TUT4: variants seen among roughly 807,000 people sequenced by gnomAD.
TUT4 encodes the protein terminal uridylyltransferase 4.
A neutral mutation model predicts 192.2 loss-of-function variants in TUT4; 36 were observed. That is an observed-to-expected ratio of 0.19 (90% confidence interval 0.14 to 0.25). The LOEUF is 0.25. TUT4 is among the 10% of genes least tolerant of loss of function. TUT4 has a pLI of 1.00. For synonymous variants in TUT4, 618 were observed against 666.0 expected (o/e 0.93, Z 1.11); for missense variants, 1,493 against 1,957.2 (o/e 0.76, Z 4.47).
chr1:52,535,110 T>C (rs1036464808), intron 1 of TUT4: 1 of 152,214 alleles, frequency 6.6e-6, no homozygotes, highest in African/African-American at 2.4e-5. Context: ...TCTTGTTGCA[T>C]AGTCAGCTGG....
At chr1:52,505,409 T>G (rs906898501) in intron 4 of TUT4, among the ~76,000 whole-genome samples, 1 of 149,780 alleles carries the variant, frequency 6.7e-6, no homozygotes, top group Admixed American at 6.7e-5. Flanking sequence ...TACTCCTAGT[T>G]TGCTTAGACT....
chr1:52,449,589 T>G (rs1658740264), intron 20 of TUT4, among the ~76,000 whole-genome samples: 1 of 152,296 alleles, frequency 6.6e-6, no homozygotes, highest in African/African-American at 2.4e-5. Flanking sequence ...TGTAAACCAC[T>G]GCGACTGGCC....
chr1:52,468,559 C>T, intron 14 of TUT4: 1 of 250,384 alleles, frequency 4.0e-6, no homozygotes, highest in Non-Finnish European at 7.6e-6. Context: ...ATCTACAAAC[C>T]TATTTACTTC....
chr1:52,465,212 G>C, intron 15 of TUT4, 39 bp from the exon 16 acceptor site: 1 of 1,497,010 alleles, frequency 6.7e-7, no homozygotes, highest in Non-Finnish European at 9.2e-7. Flanking sequence ...CTTATTATAA[G>C]CAGAGAGGAG....
chr1:52,494,078 T>C (rs948994884), intron 6 of TUT4, among the ~76,000 whole-genome samples: 5 of 151,928 alleles, frequency 3.3e-5, no homozygotes, highest in Admixed American at 2.6e-4. Flanking sequence ...ACGGGAATTA[T>C]AAGCATGAGC....
chr1:52,518,735 T>C (rs1679372449), intron 2 of TUT4, among the ~76,000 whole-genome samples: 1 of 152,232 alleles, frequency 6.6e-6, no homozygotes, highest in Non-Finnish European at 1.5e-5. Context: ...TATGATTTCA[T>C]TTCTATGAAA....
chr1:52,525,055 CT>C (rs1388639325), intron 2 of TUT4, among the ~76,000 whole-genome samples: 45 of 152,224 alleles, frequency 3.0e-4, no homozygotes, highest in African/African-American at 9.4e-4. Context: ...GCTCTCTCAA[CT>C]TCAATTAAGT....
intron 20 of TUT4, among the ~76,000 whole-genome samples, chr1:52,454,472 G>A (rs1478287140): frequency 2.0e-5 from 3 of 152,134 alleles, no homozygotes; most frequent in Non-Finnish European, 4.4e-5. Flanking sequence ...ACAATACAGT[G>A]GAGAAATAAT....
chr1:52,455,380 C>T (rs190328361), intron 20 of TUT4, among the ~76,000 whole-genome samples: 3 of 151,598 alleles, frequency 2.0e-5, no homozygotes, highest in South Asian at 2.1e-4. Flanking sequence ...TTTGAGAGGC[C>T]GAGGTGGGCT....
At chr1:52,550,971 C>G (rs1689278194) in intron 1 of TUT4, among the ~76,000 whole-genome samples, 1 of 152,140 alleles carries the variant, frequency 6.6e-6, no homozygotes, top group Admixed American at 6.5e-5. Context: ...AAAAAGAATT[C>G]TAATTACTTA....
intron 1 of TUT4, among the ~76,000 whole-genome samples, chr1:52,533,711 T>C (rs116657708): frequency 0.033 from 5,032 of 152,244 alleles, 282 homozygotes; most frequent in African/African-American, 0.12. Flanking sequence ...CTCACGGCTG[T>C]AATCCGAGCA....
At chr1:52,510,470 T>C (rs1271038786) in intron 3 of TUT4, among the ~76,000 whole-genome samples, 1 of 152,016 alleles carries the variant, frequency 6.6e-6, no homozygotes, top group Non-Finnish European at 1.5e-5. Flanking sequence ...TTCAAAAGAA[T>C]GGGCCACAAA....
At position 52,461,715 on chromosome 1, in the gene TUT4, G is replaced by A; in HGVS notation, c.3124C>T (p.Pro1042Ser). 1 of 1,513,016 alleles carries A rather than the reference G, an allele frequency of 6.6e-7. No homozygotes were observed. The highest frequency in any genetic ancestry group is 1.2e-5 in the South Asian group (1 of 81,264). The allele number at this position is 1,513,016 out of a possible 1,614,324, so 93.7% of individuals were successfully genotyped here. A position where few individuals can be genotyped will look rare whatever the true frequency, so the allele number is the denominator to read the frequency against. The change falls in exon 17 of 30, where the codon CCA becomes TCA. Residue 1042 changes from proline to serine, a missense_variant. By Grantham distance (74) the Pro-to-Ser change is moderately conservative. Around this residue, in one of 7 missense-constraint regions of TUT4, gnomAD observed 141 missense variants for 382.7 expected, o/e 0.37. Transcript: ENST00000257177. ...ENLAKILKRH[P>S]GLRNILPITT... Reference sequence around the variant, plus strand: ...AGATAAGATTCAAAATTCATACCTGGATGTCTCTTAAGAATTTTTGCCAAA... The same window carrying A: ...AGATAAGATTCAAAATTCATACCTGAATGTCTCTTAAGAATTTTTGCCAAA...
intron 13 of TUT4, 98 bp downstream of exon 13, chr1:52,474,734 C>A: frequency 2.9e-6 from 3 of 1,049,648 alleles, no homozygotes; most frequent in Non-Finnish European, 2.7e-6. Flanking sequence ...AACAAGTCAC[C>A]ACTTTATATA....
intron 13 of TUT4, among the ~76,000 whole-genome samples, chr1:52,473,364 T>C (rs1666279327): frequency 6.6e-6 from 1 of 152,190 alleles, no homozygotes. Context: ...TGGAGATCTG[T>C]ACAGATTAAT....
At chr1:52,487,927 G>A (rs1413069789) in intron 9 of TUT4, among the ~76,000 whole-genome samples, 1 of 152,120 alleles carries the variant, frequency 6.6e-6, no homozygotes, top group Non-Finnish European at 1.5e-5. Context: ...AGTACAGACT[G>A]CAACAAATTT....
rs907938109 is a variant in TUT4 at position 52,435,818 on chromosome 1, G to T, written c.4163-353C>A. Among the ~76,000 whole-genome samples the T allele has an allele frequency of 2.0e-5, 3 of 152,098 alleles. No homozygotes were observed. In the East Asian group the frequency reaches 5.8e-4, roughly 29 times the overall value. On this transcript the variant is annotated intron_variant, in intron 26 of 29. Transcript: ENST00000257177. The stretch of plus-strand genomic sequence containing the variant: ...CTAGTATTCTGGGAGGCTGAGGTGG[G>T]AGGATCACTTGAGTCCAGAAGGTCA...
At chr1:52,514,568 T>C (rs1385307172) in intron 3 of TUT4, among the ~76,000 whole-genome samples, 1 of 152,180 alleles carries the variant, frequency 6.6e-6, no homozygotes, top group Non-Finnish European at 1.5e-5. Flanking sequence ...CTTCTTGATA[T>C]TCCTTTCTCT....
intron 9 of TUT4, among the ~76,000 whole-genome samples, chr1:52,486,345 C>T (rs1669778573): frequency 6.6e-6 from 1 of 152,104 alleles, no homozygotes; most frequent in African/African-American, 2.4e-5. Flanking sequence ...AGTTCTGCCA[C>T]CTAGAGTTAA....
Sources: gnomAD v4.1 joint callset for allele counts (sites outside exome capture counted in the v4.1 genomes callset) on GRCh38, gnomAD v4.1.1 for gene constraint, gnomAD v4.1.1 regional missense constraint, MANE v1.5 for transcripts, NCBI Gene and HGNC (gene_info 2026-07-23, HGNC 2026-07-21) for gene names.